The following RFTN2 variants were observed in gnomAD, a reference collection of about 807,000 sequenced individuals.
RFTN2 encodes the protein raftlin-2.
In RFTN2, 34 loss-of-function variants were observed where a neutral mutation model predicts 52.7. The observed-to-expected ratio is 0.64, with a 90% CI of 0.49 to 0.86. RFTN2 has a LOEUF of 0.86. RFTN2 is among the 40% of genes least tolerant of loss of function. RFTN2 has a pLI of 0.00. For synonymous variants in RFTN2, 203 were observed against 217.7 expected (o/e 0.93, Z 0.59); for missense variants, 536 against 600.1 (o/e 0.89, Z 1.12).
At chr2:197,640,970 G>A (rs983168684) in intron 3 of RFTN2, among the ~76,000 whole-genome samples, 3 of 152,146 alleles carry the variant, frequency 2.0e-5, no homozygotes, top group Non-Finnish European at 4.4e-5. Flanking sequence ...GTATTGCAGT[G>A]TTTTCTACTC....
chr2:197,586,030 C>A (rs143779999), intron 8 of RFTN2, among the ~76,000 whole-genome samples: 2 of 152,212 alleles, frequency 1.3e-5, no homozygotes, highest in Non-Finnish European at 2.9e-5. Flanking sequence ...CAAAGCCCAA[C>A]TACACACACC....
chr2:197,580,082 T>C (rs758892679), intron 8 of RFTN2, among the ~76,000 whole-genome samples: 2 of 152,106 alleles, frequency 1.3e-5, no homozygotes, highest in Non-Finnish European at 2.9e-5. Flanking sequence ...CAACAACCCT[T>C]AGATGCTTTA....
intron 8 of RFTN2, among the ~76,000 whole-genome samples, chr2:197,579,109 C>T (rs569397162): frequency 9.2e-5 from 14 of 152,298 alleles, no homozygotes; most frequent in East Asian, 3.9e-4. Flanking sequence ...GTCACAGACT[C>T]GGGAAGACAG....
At chr2:197,607,475 T>TATAATAATAATAATAATA (rs67699316) in intron 7 of RFTN2, among the ~76,000 whole-genome samples, 6 of 147,542 alleles carry the variant, frequency 4.1e-5, no homozygotes, top group Non-Finnish European at 7.5e-5. Flanking sequence ...AAACTTGAAG[T>TATAATAATAATAATAATA]ATAATAATAA....
chr2:197,646,342 A>G, intron 2 of RFTN2, 141 bp downstream of exon 2: 1 of 603,308 alleles, frequency 1.7e-6, no homozygotes, highest in South Asian at 2.9e-5. Context: ...GCTTCAATCC[A>G]GGTTCCACTG....
At chr2:197,658,821 A>T (rs906976784) in intron 1 of RFTN2, among the ~76,000 whole-genome samples, 2 of 152,226 alleles carry the variant, frequency 1.3e-5, no homozygotes, top group Admixed American at 6.5e-5. Context: ...AGAGCTTTAT[A>T]TATCTTGCAA....
intron 1 of RFTN2, among the ~76,000 whole-genome samples, chr2:197,673,814 C>T (rs2089177785): frequency 1.3e-5 from 2 of 152,148 alleles, no homozygotes; most frequent in African/African-American, 4.8e-5. Context: ...TTTCAAGTTA[C>T]TTTAAACCCT....
chr2:197,621,819 C>T (rs75236704), intron 5 of RFTN2, among the ~76,000 whole-genome samples: 736 of 152,150 alleles, frequency 4.8e-3, no homozygotes, highest in Non-Finnish European at 8.6e-3. Context: ...CATTTTAAAT[C>T]GAAAGCTGGG....
At chr2:197,582,376 T>C (rs1050391969) in intron 8 of RFTN2, among the ~76,000 whole-genome samples, 6 of 152,218 alleles carry the variant, frequency 3.9e-5, no homozygotes, top group Non-Finnish European at 1.5e-5. Context: ...CTGACCCCCA[T>C]AACTGTATCT....
chr2:197,620,038 A>T (rs1396557786), intron 5 of RFTN2, among the ~76,000 whole-genome samples: 1 of 152,038 alleles, frequency 6.6e-6, no homozygotes, highest in African/African-American at 2.4e-5. Context: ...TCGGATCTAT[A>T]CGTTGTATGC....
intron 1 of RFTN2, among the ~76,000 whole-genome samples, chr2:197,651,656 C>A (rs777845225): frequency 6.6e-6 from 1 of 152,012 alleles, no homozygotes; most frequent in Admixed American, 6.6e-5. Flanking sequence ...AAAGAAAAAT[C>A]ATTGCCAAGT....
chr2:197,630,369 CT>C (rs1318389170), intron 5 of RFTN2, among the ~76,000 whole-genome samples: 14 of 151,948 alleles, frequency 9.2e-5, no homozygotes, highest in South Asian at 4.2e-4. Flanking sequence ...ACTACCTTTC[CT>C]TTTTCTTTTT....
At chr2:197,643,097 A>T (rs1338394848) in intron 3 of RFTN2, among the ~76,000 whole-genome samples, 1 of 152,090 alleles carries the variant, frequency 6.6e-6, no homozygotes, top group Non-Finnish European at 1.5e-5. Flanking sequence ...TATTGTTATT[A>T]TTATTAGAGA....
chr2:197,599,755 C>A (rs1336535184), intron 7 of RFTN2, among the ~76,000 whole-genome samples: 1 of 152,194 alleles, frequency 6.6e-6, no homozygotes, highest in Non-Finnish European at 1.5e-5. Context: ...TCCACAGCTA[C>A]TTCAGTGAGG....
chr2:197,672,661 A>G (rs572914397), intron 1 of RFTN2, among the ~76,000 whole-genome samples: 5 of 152,324 alleles, frequency 3.3e-5, no homozygotes, highest in East Asian at 1.9e-4. Flanking sequence ...CGTCAGCACC[A>G]TGAGAATACC....
chr2:197,631,235 G>A lies in RFTN2; in HGVS notation c.719-15C>T, dbSNP rs759806281. 6.5e-7 allele frequency: 1 copy of A among 1,547,344 alleles called. No homozygotes were observed. Among genetic ancestry groups the A allele is most frequent in the Non-Finnish European group, 8.8e-7 (1 of 1,132,444 alleles). On this transcript the variant is annotated splice_polypyrimidine_tract_variant and intron_variant, in intron 4 of 8. Transcript: ENST00000295049. ...GTTATCTGAGGCTAGGCATTCAGAA[G>A]GAGAAAAAAGGGGAAAATTATAATT...
chr2:197,639,066 C>T (rs1197898215), intron 3 of RFTN2, among the ~76,000 whole-genome samples: 1 of 140,288 alleles, frequency 7.1e-6, no homozygotes, highest in East Asian at 2.1e-4. Context: ...TGAATATTGG[C>T]CCCCACTCTC....
At chr2:197,606,075 G>A (rs2087957139) in intron 7 of RFTN2, among the ~76,000 whole-genome samples, 1 of 152,060 alleles carries the variant, frequency 6.6e-6, no homozygotes, top group East Asian at 1.9e-4. Flanking sequence ...GTATATCTGT[G>A]TATATACTGT....
In RFTN2 at chr2:197,571,165, C is replaced by A. The variant is rs2087310836; in HGVS notation, c.*843G>T. ...AACAAGTCAAAATAAAAGCAGAATT[C>A]AAATCTAGACAGATGTAAAAGACTT... On this transcript the variant is annotated 3_prime_UTR_variant, in exon 9 of 9. Transcript: ENST00000295049. 1 of 152,278 alleles carries A rather than the reference C, an allele frequency of 6.6e-6. No individual in the cohort carries two copies. The highest frequency in any genetic ancestry group is 2.1e-4 in the South Asian group (1 of 4,828). The allele number at this position is 152,278 out of a possible 1,614,324, so 9.4% of individuals were successfully genotyped here.
Sources: gnomAD v4.1 joint callset for allele counts (sites outside exome capture counted in the v4.1 genomes callset) on GRCh38, gnomAD v4.1.1 for gene constraint, MANE v1.5 for transcripts, NCBI Gene and HGNC (gene_info 2026-07-23, HGNC 2026-07-21) for gene names.